The following SNX9 variants were observed in gnomAD, a reference collection of about 807,000 sequenced individuals.
SNX9 encodes the protein sorting nexin 9.
SNX9 carries 44 observed loss-of-function variants against 89.4 expected under a neutral mutation model. The observed-to-expected ratio is 0.49, with a 90% confidence interval of 0.39 to 0.63. The LOEUF (loss-of-function observed/expected upper bound fraction) is 0.63. SNX9 is among the 30% of genes least tolerant of loss of function. SNX9 has a pLI of 0.00. For synonymous variants in SNX9, 236 were observed against 247.8 expected (o/e 0.95, Z 0.45); for missense variants, 578 against 736.1 (o/e 0.79, Z 2.49).
chr6:157,886,653 C>T (rs906468437), intron 4 of SNX9, among the ~76,000 whole-genome samples: 1 of 152,196 alleles, frequency 6.6e-6, no homozygotes, highest in Non-Finnish European at 1.5e-5. Flanking sequence ...GCAGCACTTT[C>T]CTGTATCAGC....
At chr6:157,858,445 C>T (rs1370131852) in intron 1 of SNX9, among the ~76,000 whole-genome samples, 1 of 151,996 alleles carries the variant, frequency 6.6e-6, no homozygotes, top group East Asian at 1.9e-4. Flanking sequence ...TGGTCTCAAA[C>T]TCCTGTACTC....
chr6:157,935,946 A>G lies in SNX9; in HGVS notation c.1367-18A>G. On this transcript the variant is annotated intron_variant, in intron 13 of 17. Coordinates refer to ENST00000392185, the MANE Select transcript of SNX9 (RefSeq NM_016224.5). ...ATATGCATAACTTATAACCACTGAT[A>G]AAATTGATCATTTTCAGGTGAAACA... The G allele has an allele frequency of 1.3e-6, 2 of 1,590,284 alleles. No homozygotes were observed. The highest frequency in any genetic ancestry group is 1.7e-6 in the Non-Finnish European group (2 of 1,167,056).
chr6:157,928,805 T>A, intron 12 of SNX9, 103 bp downstream of exon 12: 1 of 857,250 alleles, frequency 1.2e-6, no homozygotes, highest in Non-Finnish European at 1.7e-6. Context: ...AACAGAAGTG[T>A]ATTTGGTGGA....
At chr6:157,922,415 A>G (rs1783601715) in intron 10 of SNX9, among the ~76,000 whole-genome samples, 1 of 152,220 alleles carries the variant, frequency 6.6e-6, no homozygotes, top group South Asian at 2.1e-4. Flanking sequence ...AGCAGATGCT[A>G]AATACATTAT....
chr6:157,924,104 A>T (rs909380808), intron 10 of SNX9, among the ~76,000 whole-genome samples: 1 of 152,156 alleles, frequency 6.6e-6, no homozygotes, highest in East Asian at 1.9e-4. Flanking sequence ...AGGCTGAAGC[A>T]GGAGAATCGT....
chr6:157,873,588 AAT>A (rs200361860), intron 3 of SNX9, among the ~76,000 whole-genome samples: 18,633 of 147,564 alleles, frequency 0.13, 1,902 homozygotes, highest in African/African-American at 0.28. Flanking sequence ...TTATAAGCAA[AAT>A]ATATAAATTT....
chr6:157,938,778 G>A, intron 16 of SNX9, 31 bp downstream of exon 16: 1 of 1,546,410 alleles, frequency 6.5e-7, no homozygotes, highest in Non-Finnish European at 8.8e-7. Flanking sequence ...TGAGGTGCTG[G>A]TGGAAGTTTT....
chr6:157,940,864 G>T lies in SNX9; in HGVS notation c.1649-19G>T. 6.2e-7 allele frequency: 1 copy of T among 1,611,108 alleles called. No homozygotes were observed. The highest frequency in any genetic ancestry group is 1.3e-5 in the African/African-American group (1 of 74,988). On this transcript the variant is annotated intron_variant, in intron 16 of 17. Transcript: ENST00000392185. Reference sequence around the variant, plus strand: ...AAAACTTGAGGGAAAACTGATTGATGTTCTGATTTGGGTTGTAGCTGAGAT... The same window carrying T: ...AAAACTTGAGGGAAAACTGATTGATTTTCTGATTTGGGTTGTAGCTGAGAT...
intron 1 of SNX9, among the ~76,000 whole-genome samples, chr6:157,859,412 A>G (rs1464394173): frequency 1.3e-5 from 2 of 152,190 alleles, no homozygotes; most frequent in Non-Finnish European, 2.9e-5. Context: ...GTCTGAGTAT[A>G]TAGATTGTTC....
intron 7 of SNX9, among the ~76,000 whole-genome samples, chr6:157,908,193 C>T (rs188526208): frequency 7.7e-4 from 117 of 152,222 alleles, no homozygotes; most frequent in African/African-American, 2.7e-3. Context: ...CTTCCTTCAG[C>T]GCAATCTGTG....
rs1781521602 is a variant in SNX9, at chr6:157,833,923, A to G, written c.12+10477A>G. Among the ~76,000 whole-genome samples the G allele has an allele frequency of 2.6e-5, 4 of 152,276 alleles. No individual in the cohort carries two copies. The South Asian group carries it at 8.3e-4, about 32-fold the overall frequency. On this transcript the variant is annotated intron_variant, in intron 1 of 17. Transcript: ENST00000392185. Reference sequence around the variant, plus strand: ...AAGCACCAGGTTTTTGTAGTGAGAGAGGCTTATTGCCAGACAGCTGAGCAA... The same window carrying G: ...AAGCACCAGGTTTTTGTAGTGAGAGGGGCTTATTGCCAGACAGCTGAGCAA...
chr6:157,837,822 G>T (rs1037264517), intron 1 of SNX9, among the ~76,000 whole-genome samples: 1 of 152,178 alleles, frequency 6.6e-6, no homozygotes, highest in Non-Finnish European at 1.5e-5. Flanking sequence ...TGAAGCCGTC[G>T]TTGGCATTTA....
intron 2 of SNX9, among the ~76,000 whole-genome samples, chr6:157,869,282 G>T (rs918145772): frequency 6.6e-6 from 1 of 152,014 alleles, no homozygotes; most frequent in Non-Finnish European, 1.5e-5. Context: ...TTGTATTGCC[G>T]TCTCTGTGGT....
chr6:157,907,756 G>T (rs1403685841), intron 7 of SNX9, among the ~76,000 whole-genome samples: 1 of 152,226 alleles, frequency 6.6e-6, no homozygotes, highest in Non-Finnish European at 1.5e-5. Context: ...GAAAGCCACC[G>T]CGTCTTCAGG....
chr6:157,916,036 CTT>C (rs1240251607), intron 9 of SNX9, among the ~76,000 whole-genome samples: 9 of 142,674 alleles, frequency 6.3e-5, no homozygotes, highest in African/African-American at 1.0e-4. Flanking sequence ...TTTGTCTTTT[CTT>C]TTTTTTTTTT....
intron 1 of SNX9, among the ~76,000 whole-genome samples, chr6:157,836,547 C>A (rs1781586502): frequency 6.6e-6 from 1 of 151,804 alleles, no homozygotes; most frequent in Non-Finnish European, 1.5e-5. Flanking sequence ...CACAGAGTTT[C>A]TGATTCAGGA....
chr6:157,842,855 C>T (rs377444438), intron 1 of SNX9, among the ~76,000 whole-genome samples: 1 of 152,074 alleles, frequency 6.6e-6, no homozygotes, highest in Admixed American at 6.5e-5. Context: ...TACATGACCC[C>T]GAAATTGTAA....
chr6:157,915,739 C>A (rs1238063070), intron 9 of SNX9, among the ~76,000 whole-genome samples: 4 of 145,420 alleles, frequency 2.8e-5, no homozygotes, highest in Non-Finnish European at 4.5e-5. Context: ...TCAGGAGAGT[C>A]ACTTGAATCC....
At chr6:157,908,010 C>T (rs1465273516) in intron 7 of SNX9, among the ~76,000 whole-genome samples, 1 of 152,130 alleles carries the variant, frequency 6.6e-6, no homozygotes, top group Non-Finnish European at 1.5e-5. Context: ...TTAAACTACT[C>T]TTATCCTTGG....
Sources: gnomAD v4.1 joint callset for allele counts (sites outside exome capture counted in the v4.1 genomes callset) on GRCh38, gnomAD v4.1.1 for gene constraint, MANE v1.5 for transcripts, NCBI Gene and HGNC (gene_info 2026-07-23, HGNC 2026-07-21) for gene names.